The following MYO1B variants were observed in gnomAD, a reference collection of about 807,000 sequenced individuals.
MYO1B encodes unconventional myosin-Ib.
A neutral mutation model predicts 159.7 loss-of-function variants in MYO1B; 72 were observed. The observed-to-expected ratio is 0.45, with a 90% CI of 0.37 to 0.55. The LOEUF is 0.55. Ranked by LOEUF, MYO1B falls within the 20% of genes least tolerant of loss-of-function variation. The probability of loss-of-function intolerance (pLI) is 0.00; values close to 1 mark genes in which losing one functional copy is unlikely to be tolerated. For synonymous variants in MYO1B, 468 were observed against 473.8 expected, an observed-to-expected ratio of 0.99 and a Z score of 0.16; for missense variants, 1,062 against 1,364.8, an observed-to-expected ratio of 0.78 and a Z score of 3.50.
chr2:191,399,984 G>A (rs1470620732), intron 21 of MYO1B, among the ~76,000 whole-genome samples: 1 of 152,142 alleles, frequency 6.6e-6, no homozygotes, highest in Admixed American at 6.5e-5. Flanking sequence ...AAAATATCTT[G>A]AATAAAAAGG....
At chr2:191,283,216 C>T (rs1159256873) in intron 2 of MYO1B, among the ~76,000 whole-genome samples, 1 of 152,174 alleles carries the variant, frequency 6.6e-6, no homozygotes, top group Non-Finnish European at 1.5e-5. Flanking sequence ...TTGTTGCTTA[C>T]CAAACTTAGA....
intron 1 of MYO1B, among the ~76,000 whole-genome samples, chr2:191,248,402 A>G (rs1340417700): frequency 6.6e-6 from 1 of 152,192 alleles, no homozygotes; most frequent in African/African-American, 2.4e-5. Context: ...AAATGCATTT[A>G]ATACACTTAA....
Position 191,363,963 on chromosome 2 carries a change from C to T in MYO1B, c.913+88C>T, listed in dbSNP as rs1408929674. 4 of 1,535,144 alleles carry T rather than the reference C, an allele frequency of 2.6e-6. No individual in the cohort carries two copies. In the African/African-American group the frequency reaches 4.1e-5, roughly 16 times the overall value. On this transcript the variant is annotated intron_variant, in intron 10 of 30. Transcript: ENST00000392318. ...TTTAATGTAGAAAGTAAAATTTTTG[C>T]TTTGCATTGGTTTGAGAAAGCTTTC...
chr2:191,272,816 A>C (rs1279161761), intron 1 of MYO1B, among the ~76,000 whole-genome samples: 1 of 152,208 alleles, frequency 6.6e-6, no homozygotes, highest in East Asian at 1.9e-4. Flanking sequence ...TAAATAGCGA[A>C]GATGATCATC....
rs1692559897 is a variant in MYO1B at position 191,346,295 on chromosome 2, A to G, written c.498+13A>G. ...CTCCTCTAGATTTGTAAGTATTTGT[A>G]TAAGCATAAGTGTTAACACTAATAT... is the stretch of plus-strand genomic sequence containing the variant. On this transcript the variant is annotated intron_variant, in intron 6 of 30. Coordinates refer to ENST00000392318, the MANE Select transcript of MYO1B (RefSeq NM_001130158.3). The G allele has an allele frequency of 6.4e-7, 1 of 1,553,102 alleles. No homozygotes were observed. Among genetic ancestry groups the G allele is most frequent in the Admixed American group, 1.9e-5 (1 of 51,664 alleles).
chr2:191,308,290 C>T (rs1689775817), intron 3 of MYO1B, among the ~76,000 whole-genome samples: 1 of 152,212 alleles, frequency 6.6e-6, no homozygotes, highest in African/African-American at 2.4e-5. Context: ...TTTTATACCA[C>T]AGATGTGGAC....
intron 26 of MYO1B, 104 bp downstream of exon 26, chr2:191,409,282 AAG>A: frequency 7.7e-7 from 1 of 1,292,268 alleles, no homozygotes; most frequent in Non-Finnish European, 1.1e-6. Flanking sequence ...CTTTGCCTCA[AAG>A]AGGATTACTT....
At chr2:191,289,933 G>A (rs1477000129) in intron 2 of MYO1B, among the ~76,000 whole-genome samples, 2 of 152,176 alleles carry the variant, frequency 1.3e-5, no homozygotes, top group African/African-American at 4.8e-5. Flanking sequence ...GTGTGCTAAT[G>A]TTTCATTTAT....
At chr2:191,291,030 CT>C (rs1688658003) in intron 2 of MYO1B, among the ~76,000 whole-genome samples, 2 of 152,140 alleles carry the variant, frequency 1.3e-5, no homozygotes. Flanking sequence ...GTACTGACCC[CT>C]GGCCGTTCCC....
At chr2:191,343,771 G>A (rs13391008) in intron 5 of MYO1B, among the ~76,000 whole-genome samples, 13,718 of 152,146 alleles carry the variant, frequency 0.09, 2,019 homozygotes, top group African/African-American at 0.31. Context: ...CTAGGCTCCA[G>A]TGCAGGAAAT....
At chr2:191,316,098 A>G (rs1400412562) in intron 3 of MYO1B, among the ~76,000 whole-genome samples, 3 of 152,152 alleles carry the variant, frequency 2.0e-5, no homozygotes, top group African/African-American at 7.2e-5. Flanking sequence ...TTTTGTGTTC[A>G]TTTATTTGTT....
intron 2 of MYO1B, among the ~76,000 whole-genome samples, chr2:191,280,409 G>C (rs1422872505): frequency 6.6e-6 from 1 of 152,186 alleles, no homozygotes; most frequent in Non-Finnish European, 1.5e-5. Flanking sequence ...GTGACTTACT[G>C]TCTGCTTTGC....
rs561289323 is a variant in MYO1B at position 191,403,992 on chromosome 2, A to T, written c.2556+1274A>T. 4.1e-4 allele frequency among the ~76,000 whole-genome samples: 62 copies of T among 152,304 alleles called. 1 individual carries two copies. In the South Asian group the frequency reaches 0.012, roughly 29 times the overall value. ...ATTTTAGCAGAAGTTAACTGGGCTT[A>T]CTCTAGACATAACTTTTTTCCTCTC... On this transcript the variant is annotated intron_variant, in intron 24 of 30. Coordinates refer to ENST00000392318, the MANE Select transcript of MYO1B (RefSeq NM_001130158.3).
chr2:191,266,539 G>A (rs1443690227), intron 1 of MYO1B, among the ~76,000 whole-genome samples: 1 of 152,096 alleles, frequency 6.6e-6, no homozygotes, highest in East Asian at 1.9e-4. Context: ...GTTGTGAAGA[G>A]CTTGGTGATT....
At chr2:191,378,074 T>TCAGACAGTCA (rs1349273044) in intron 13 of MYO1B, among the ~76,000 whole-genome samples, 2 of 152,074 alleles carry the variant, frequency 1.3e-5, no homozygotes, top group African/African-American at 4.8e-5. Context: ...TTTTTGTTAT[T>TCAGACAGTCA]AGGGCATCTC....
At chr2:191,296,390 A>T (rs1422981631) in intron 3 of MYO1B, among the ~76,000 whole-genome samples, 164 bp downstream of exon 3, 7 of 152,056 alleles carry the variant, frequency 4.6e-5, no homozygotes, top group Non-Finnish European at 8.8e-5. Flanking sequence ...ATTTTAAATT[A>T]AAAAAAGGCA....
intron 3 of MYO1B, among the ~76,000 whole-genome samples, chr2:191,326,997 G>A (rs1365536438): frequency 6.6e-6 from 1 of 152,102 alleles, no homozygotes; most frequent in Non-Finnish European, 1.5e-5. Flanking sequence ...TTACTGTAAT[G>A]TGTTTTCCTG....
intron 24 of MYO1B, 134 bp downstream of exon 24, chr2:191,402,852 G>A (rs1367654145): frequency 3.1e-6 from 2 of 643,120 alleles, no homozygotes; most frequent in South Asian, 6.4e-5. Context: ...GCTTAATTTT[G>A]TACCTTTTTC....
chr2:191,412,723 C>G (rs945261162), intron 27 of MYO1B, among the ~76,000 whole-genome samples: 2 of 152,206 alleles, frequency 1.3e-5, no homozygotes, highest in African/African-American at 4.8e-5. Flanking sequence ...CTTGAAGCAG[C>G]AGTTTTTCCT....
Sources: gnomAD v4.1 joint callset for allele counts (sites outside exome capture counted in the v4.1 genomes callset) on GRCh38, gnomAD v4.1.1 for gene constraint, MANE v1.5 for transcripts, NCBI Gene and HGNC (gene_info 2026-07-23, HGNC 2026-07-21) for gene names.